DLG2: variants seen among roughly 807,000 people sequenced by gnomAD.
DLG2 encodes discs large MAGUK scaffold protein 2.
In DLG2, 45 loss-of-function variants were observed where a neutral mutation model predicts 132.5. The ratio of observed to expected loss-of-function variants is 0.34; its 90% CI spans 0.27 to 0.44. The LOEUF (loss-of-function observed/expected upper bound fraction) is 0.44, where lower values mean the gene tolerates loss of function less well. DLG2 is among the 20% of genes least tolerant of loss of function. The pLI, the probability that DLG2 is intolerant of heterozygous loss-of-function variation, is 1.00. For missense variants in DLG2, 1,045 were observed against 1,196.9 expected (o/e 0.87, Z 1.87); for synonymous variants, 424 against 419.6 (o/e 1.01, Z -0.13).
At chr11:84,162,888 G>A (rs900557257) in intron 9 of DLG2, among the ~76,000 whole-genome samples, 1 of 151,788 alleles carries the variant, frequency 6.6e-6, no homozygotes, top group Non-Finnish European at 1.5e-5. Context: ...CACGGTCTTT[G>A]GCCTTTCTCT....
At chr11:85,460,505 T>C (rs1408075628) in intron 3 of DLG2, among the ~76,000 whole-genome samples, 1 of 152,202 alleles carries the variant, frequency 6.6e-6, no homozygotes, top group Non-Finnish European at 1.5e-5. Flanking sequence ...GGGTGGGCAG[T>C]TGTCCTGTCT....
At chr11:85,095,587 C>G (rs2069597824) in intron 6 of DLG2, among the ~76,000 whole-genome samples, 1 of 152,084 alleles carries the variant, frequency 6.6e-6, no homozygotes, top group African/African-American at 2.4e-5. Context: ...CATTTATTAG[C>G]TGGTACCAGC....
intron 4 of DLG2, among the ~76,000 whole-genome samples, chr11:85,273,718 C>T (rs1489660822): frequency 6.6e-6 from 1 of 152,188 alleles, no homozygotes; most frequent in Non-Finnish European, 1.5e-5. Context: ...GGATCTAGAA[C>T]TAGAAATACC....
At chr11:83,991,307 C>A (rs954152127) in intron 11 of DLG2, among the ~76,000 whole-genome samples, 2 of 152,144 alleles carry the variant, frequency 1.3e-5, no homozygotes, top group African/African-American at 4.8e-5. Context: ...ACAGGTCACC[C>A]AATTAACTTA....
At chr11:85,006,991 T>C (rs1476679420) in intron 6 of DLG2, among the ~76,000 whole-genome samples, 1 of 152,184 alleles carries the variant, frequency 6.6e-6, no homozygotes, top group East Asian at 1.9e-4. Context: ...TTTAAGTTTC[T>C]TTCTACTTTT....
chr11:84,745,679 G>C (rs540461156), intron 6 of DLG2, among the ~76,000 whole-genome samples: 1 of 152,100 alleles, frequency 6.6e-6, no homozygotes, highest in Non-Finnish European at 1.5e-5. Flanking sequence ...GAGCAAGGAA[G>C]AATGAAGTAA....
At chr11:85,493,150 G>C (rs778753162) in intron 3 of DLG2, among the ~76,000 whole-genome samples, 2 of 152,272 alleles carry the variant, frequency 1.3e-5, no homozygotes, top group Middle Eastern at 3.4e-3. Flanking sequence ...CTGATGAGTT[G>C]ATTAAAGTAC....
At position 83,833,640 on chromosome 11, in the gene DLG2, G is replaced by A. The variant is rs150750133; in HGVS notation, c.1696C>T (p.Leu566Phe). 2 of 1,613,958 alleles carry A rather than the reference G, an allele frequency of 1.2e-6. No individual in the cohort carries two copies. Among genetic ancestry groups the A allele is most frequent in the South Asian group, 2.2e-5 (2 of 91,046 alleles). ...AGGPADLSGELQRGDQILSVN... is the reference protein window; with the variant it reads ...AGGPADLSGEFQRGDQILSVN... ...GATAGGATCTGGTCTCCTCTCTGGA[G>A]CTCCCCACTTAGGTCTGCTGGTCCA... Residue 566 changes from leucine (L) to phenylalanine (F), a missense_variant, in exon 17 of 28, where the codon CTC becomes TTC. By Grantham distance (22) the Leu-to-Phe change is conservative. Coordinates refer to ENST00000376104, the MANE Select transcript of DLG2 (RefSeq NM_001142699.3).
chr11:83,645,644 A>C (rs1196305243), intron 18 of DLG2: 1 of 152,186 alleles, frequency 6.6e-6, no homozygotes, highest in Non-Finnish European at 1.5e-5. Context: ...AAAAATCCCA[A>C]GCAAGCTGCC....
chr11:84,118,790 A>T (rs530519973), intron 9 of DLG2, among the ~76,000 whole-genome samples: 11 of 152,310 alleles, frequency 7.2e-5, no homozygotes, highest in African/African-American at 2.6e-4. Flanking sequence ...GATATTTTCC[A>T]GTCACTTCTT....
At chr11:85,466,328 G>C (rs1337529484) in intron 3 of DLG2, among the ~76,000 whole-genome samples, 2 of 152,170 alleles carry the variant, frequency 1.3e-5, no homozygotes, top group Non-Finnish European at 2.9e-5. Flanking sequence ...GATCCTGTTT[G>C]TCAATTTTGG....
chr11:85,417,000 A>G (rs527990197), intron 3 of DLG2, among the ~76,000 whole-genome samples: 21 of 152,248 alleles, frequency 1.4e-4, no homozygotes, highest in African/African-American at 4.8e-4. Context: ...GTGGTGAGAG[A>G]GGGCATCCTT....
intron 3 of DLG2, among the ~76,000 whole-genome samples, chr11:85,508,615 A>C (rs935946938): frequency 6.6e-6 from 1 of 152,066 alleles, no homozygotes; most frequent in African/African-American, 2.4e-5. Flanking sequence ...TAACTGATAT[A>C]TCTCTAGTTT....
intron 6 of DLG2, among the ~76,000 whole-genome samples, chr11:84,867,360 G>A (rs1027305749): frequency 2.6e-5 from 4 of 152,200 alleles, no homozygotes; most frequent in Admixed American, 1.3e-4. Flanking sequence ...TGCAGAGAAT[G>A]AGCCATGGTG....
At chr11:85,310,471 A>AGTCCCAACAAGGGACT (rs1465619775) in intron 3 of DLG2, among the ~76,000 whole-genome samples, 1 of 152,200 alleles carries the variant, frequency 6.6e-6, no homozygotes, top group Admixed American at 6.5e-5. Context: ...ACTTATAAGA[A>AGTCCCAACAAGGGACT]GTCCCAACAA....
chr11:85,006,296 G>A (rs1187663782), intron 6 of DLG2, among the ~76,000 whole-genome samples: 2 of 152,136 alleles, frequency 1.3e-5, no homozygotes, highest in Non-Finnish European at 2.9e-5. Flanking sequence ...AGTTTCAGAA[G>A]GAATATTACC....
At chr11:84,440,404 T>C (rs950932081) in intron 7 of DLG2, among the ~76,000 whole-genome samples, 1 of 152,124 alleles carries the variant, frequency 6.6e-6, no homozygotes, top group African/African-American at 2.4e-5. Flanking sequence ...GGCCATAAAA[T>C]TCTCAGTAGC....
chr11:84,776,157 TTTG>T (rs1303023565), intron 6 of DLG2, among the ~76,000 whole-genome samples: 3 of 152,116 alleles, frequency 2.0e-5, no homozygotes, highest in African/African-American at 2.4e-5. Context: ...TCTATCACTT[TTTG>T]TTGTTGTTGT....
chr11:84,163,398 A>G lies in DLG2; in HGVS notation c.624+63T>C, dbSNP rs1015821408. 6.3e-6 allele frequency: 9 copies of G among 1,419,136 alleles called. No individual in the cohort carries two copies. In the Admixed American group the frequency reaches 6.4e-5, roughly 10 times the overall value. The allele number at this position is 1,419,136 out of a possible 1,614,324, so 87.9% of individuals were successfully genotyped here. Reference sequence around the variant, plus strand: ...GTATAATTTCACAAGACAACTCATTAAGATTAGAATAGAATGTGAAATGCA... The same window carrying G: ...GTATAATTTCACAAGACAACTCATTGAGATTAGAATAGAATGTGAAATGCA... On this transcript the variant is annotated intron_variant, in intron 9 of 27. Transcript: ENST00000376104.
Sources: gnomAD v4.1 joint callset for allele counts (sites outside exome capture counted in the v4.1 genomes callset) on GRCh38, gnomAD v4.1.1 for gene constraint, MANE v1.5 for transcripts, NCBI Gene and HGNC (gene_info 2026-07-23, HGNC 2026-07-21) for gene names.